Variants in ADGB observed in about 807,000 individuals in gnomAD.
ADGB encodes calpain-7-like protein.
ADGB carries 172 observed loss-of-function variants against 210.5 expected under a neutral mutation model. That is an observed-to-expected ratio of 0.82 (90% CI 0.72 to 0.93). The LOEUF is 0.93. ADGB is among the 40% of genes least tolerant of loss of function. The pLI is 0.00. For missense variants in ADGB, 2,025 were observed against 1,964.8 expected (o/e 1.03, Z -0.58); for synonymous variants, 658 against 662.7 (o/e 0.99, Z 0.11).
At chr6:146,648,871 C>G (rs1775658565) in intron 3 of ADGB, among the ~76,000 whole-genome samples, 1 of 151,488 alleles carries the variant, frequency 6.6e-6, no homozygotes, top group Non-Finnish European at 1.5e-5. Context: ...TCATGAAAAC[C>G]TAAGCAGCAA....
chr6:146,732,857 C>T (rs1039809820), intron 20 of ADGB, among the ~76,000 whole-genome samples: 2 of 152,062 alleles, frequency 1.3e-5, no homozygotes, highest in Admixed American at 1.3e-4. Context: ...TTCTTTACCT[C>T]CTCTACCAGT....
intron 26 of ADGB, among the ~76,000 whole-genome samples, chr6:146,751,311 C>T (rs539014432): frequency 6.6e-6 from 1 of 152,110 alleles, no homozygotes; most frequent in Non-Finnish European, 1.5e-5. Flanking sequence ...GACATGATCT[C>T]ATTCCTTTTT....
At position 146,677,760 on chromosome 6, in the gene ADGB, G is replaced by A. The variant is rs78723240; in HGVS notation, c.1216+1319G>A. Among the ~76,000 whole-genome samples, 625 of 152,256 alleles carry A rather than the reference G, an allele frequency of 4.1e-3. 20 individuals are homozygous for A. The East Asian group carries it at 0.076, about 19-fold the overall frequency. On this transcript the variant is annotated intron_variant, in intron 9 of 35. Transcript: ENST00000397944. ...TGGACTGTGGAGTCAAGCTGGTTGA[G>A]TTCAATATCTGCTCCAACACTGAGT...
intron 28 of ADGB, among the ~76,000 whole-genome samples, chr6:146,768,665 A>G (rs968416692): frequency 1.3e-5 from 2 of 152,144 alleles, no homozygotes; most frequent in East Asian, 3.8e-4. Flanking sequence ...TTTCTGTGTC[A>G]TGATCACAAA....
chr6:146,697,104 A>C (rs146165437), intron 12 of ADGB, among the ~76,000 whole-genome samples: 2,118 of 152,172 alleles, frequency 0.014, 61 homozygotes, highest in African/African-American at 0.048. Context: ...ATGAAGAACA[A>C]TGAAGAGAAA....
chr6:146,694,430 C>T (rs1251338925), intron 12 of ADGB, among the ~76,000 whole-genome samples: 1 of 152,092 alleles, frequency 6.6e-6, no homozygotes, highest in African/African-American at 2.4e-5. Context: ...GACACTAATG[C>T]CATGCATGCA....
At chr6:146,791,921 C>CTTTTTTTTTTTTTTTTTTTTTTTTTTT (rs66891404) in intron 33 of ADGB, among the ~76,000 whole-genome samples, 1 of 112,492 alleles carries the variant, frequency 8.9e-6, no homozygotes, top group Non-Finnish European at 1.8e-5. Flanking sequence ...CTGCACCTTG[C>CTTTTTTTTTTTTTTTTTTTTTTTTTTT]TTTTTTTTTT....
At chr6:146,794,502 TAA>T (rs539172593) in intron 33 of ADGB, among the ~76,000 whole-genome samples, 1 of 152,188 alleles carries the variant, frequency 6.6e-6, no homozygotes, top group Non-Finnish European at 1.5e-5. Flanking sequence ...TTATATTTTT[TAA>T]AAGTTTGTAG....
At position 146,672,368 on chromosome 6, in the gene ADGB, A is replaced by G; in HGVS notation, c.988A>G (p.Ile330Val). 2 of 1,551,512 alleles carry G rather than the reference A, an allele frequency of 1.3e-6. No individual in the cohort carries two copies. Among genetic ancestry groups the G allele is most frequent in the Non-Finnish European group, 1.7e-6 (2 of 1,146,884 alleles). ...GAAAGAAGGGAAGGAGGGAAAAGAA[A>G]TAAAGGATGGAAAGGAAGTAAAAGA... Reference protein sequence around the residue: ...PGKEGKEGKEIKDGKEVKDVK... With the variant: ...PGKEGKEGKEVKDGKEVKDVK... Residue 330 changes from isoleucine to valine, a missense_variant, in exon 8 of 36, where the codon ATA becomes GTA. Coordinates refer to ENST00000397944, the MANE Select transcript of ADGB (RefSeq NM_024694.4).
At chr6:146,750,020 A>G (rs975399942) in intron 26 of ADGB, among the ~76,000 whole-genome samples, 3 of 152,048 alleles carry the variant, frequency 2.0e-5, no homozygotes, top group African/African-American at 4.8e-5. Context: ...GCCAAACCAT[A>G]TCACCGGTGT....
chr6:146,650,455 C>A (rs994615182), intron 3 of ADGB, among the ~76,000 whole-genome samples: 2 of 151,368 alleles, frequency 1.3e-5, no homozygotes, highest in Non-Finnish European at 2.9e-5. Context: ...TTGGAATTTG[C>A]CCATCAGTTT....
In ADGB at chr6:146,763,894, T is replaced by A; in HGVS notation, c.3551-7T>A. 1 of 1,548,070 alleles carries A rather than the reference T, an allele frequency of 6.5e-7. No homozygotes were observed. The highest frequency in any genetic ancestry group is 1.2e-5 in the South Asian group (1 of 83,780). On this transcript the variant is annotated splice_region_variant and splice_polypyrimidine_tract_variant and intron_variant, in intron 27 of 35. Coordinates refer to ENST00000397944, the MANE Select transcript of ADGB (RefSeq NM_024694.4). ...TTTAACTTTAACTTAGTATTTCTCC[T>A]ATTCAGCTAGCAAGCACATTCTTTC...
At chr6:146,625,440 T>C (rs1040732809) in intron 1 of ADGB, among the ~76,000 whole-genome samples, 1 of 152,106 alleles carries the variant, frequency 6.6e-6, no homozygotes, top group Non-Finnish European at 1.5e-5. Flanking sequence ...CTTTATAAAG[T>C]AGATTTCCTA....
At chr6:146,685,291 T>C (rs1372406254) in intron 9 of ADGB, among the ~76,000 whole-genome samples, 1 of 152,042 alleles carries the variant, frequency 6.6e-6, no homozygotes, top group African/African-American at 2.4e-5. Context: ...TTTACTTATG[T>C]TTTCTTTCTT....
At chr6:146,713,469 G>A (rs1700512790) in intron 13 of ADGB, among the ~76,000 whole-genome samples, 1 of 152,066 alleles carries the variant, frequency 6.6e-6, no homozygotes, top group Admixed American at 6.5e-5. Context: ...TTGTAATTTT[G>A]GTTTGTATTC....
chr6:146,669,734 T>A (rs188325176), intron 7 of ADGB, among the ~76,000 whole-genome samples: 68 of 152,216 alleles, frequency 4.5e-4, no homozygotes, highest in Non-Finnish European at 8.4e-4. Flanking sequence ...TAACTTTAAA[T>A]AACAAACTGT....
In ADGB at chr6:146,642,607, C is replaced by A. The variant is rs549392897; in HGVS notation, c.238-2166C>A. ...AAAAAGAACAAGATCGTGTCTTTTG[C>A]GGGAACATGGATGGAGCTGGAGGCT... is the stretch of plus-strand genomic sequence containing the variant. On this transcript the variant is annotated intron_variant, in intron 2 of 35. Transcript: ENST00000397944. Among the ~76,000 whole-genome samples, 133 of 151,970 alleles carry A rather than the reference C, an allele frequency of 8.8e-4. 1 individual carries two copies. Among genetic ancestry groups the A allele is most frequent in the African/African-American group, 2.8e-3 (116 of 41,524 alleles).
rs1480610414 is a variant in ADGB at position 146,672,375 on chromosome 6, A to T, written c.995A>T (p.Asp332Val). The T allele has an allele frequency of 1.3e-6, 2 of 1,551,218 alleles. No homozygotes were observed. The highest frequency in any genetic ancestry group is 1.2e-5 in the South Asian group (1 of 84,034). ...GGGAAGGAGGGAAAAGAAATAAAGG[A>T]TGGAAAGGAAGTAAAAGACGTGAAG... is the stretch of plus-strand genomic sequence containing the variant. ...KEGKEGKEIK[D>V]GKEVKDVKEF... is the part of the protein sequence containing the mutation. The change falls in exon 8 of 36, where the codon GAT (aspartate) becomes GTT (valine). Residue 332 changes from aspartate to valine, a missense_variant. Asp to Val is a radical substitution (Grantham distance 152). Coordinates refer to ENST00000397944, the MANE Select transcript of ADGB (RefSeq NM_024694.4).
intron 13 of ADGB, among the ~76,000 whole-genome samples, chr6:146,704,423 A>T (rs927753944): frequency 6.6e-6 from 1 of 151,984 alleles, no homozygotes; most frequent in Non-Finnish European, 1.5e-5. Context: ...TTCTTCTAAT[A>T]GTTTCATACA....
Sources: gnomAD v4.1 joint callset for allele counts (sites outside exome capture counted in the v4.1 genomes callset) on GRCh38, gnomAD v4.1.1 for gene constraint, MANE v1.5 for transcripts, NCBI Gene and HGNC (gene_info 2026-07-23, HGNC 2026-07-21) for gene names.